Variants in EVC2 observed in about 807,000 individuals in gnomAD.
EVC2 encodes the protein limbin.
A neutral mutation model predicts 149.3 loss-of-function variants in EVC2; 148 were observed. The ratio of observed to expected loss-of-function variants is 0.99; its 90% confidence interval spans 0.87 to 1.14. The LOEUF is 1.14. Ranked by LOEUF, EVC2 falls within the 50% of genes most tolerant of loss-of-function variation. EVC2 has a pLI of 0.00. For synonymous variants in EVC2, 776 were observed against 649.9 expected, an observed-to-expected ratio of 1.19 and a Z score of -2.95; for missense variants, 1,854 against 1,627.3, an observed-to-expected ratio of 1.14 and a Z score of -2.40.
At position 5,633,388 on chromosome 4, in the gene EVC2, T is replaced by A. The variant is rs1182791501; in HGVS notation, c.1471-1356A>T. On this transcript the variant is annotated intron_variant, in intron 10 of 21. Transcript: ENST00000344408. The surrounding 1 kb of genome is among the most constrained non-coding windows in gnomAD (Gnocchi z 4.4). Reference sequence around the variant, plus strand: ...ACTGAGACAATGTCACTAATGTGTGTGGTTGCTTAGGCAGGAATAGAAAAC... The same window carrying A: ...ACTGAGACAATGTCACTAATGTGTGAGGTTGCTTAGGCAGGAATAGAAAAC... 6.6e-6 allele frequency among the ~76,000 whole-genome samples: 1 copy of A among 152,178 alleles called. No homozygotes were observed. Among genetic ancestry groups the A allele is most frequent in the Non-Finnish European group, 1.5e-5 (1 of 68,046 alleles).
intron 16 of EVC2, among the ~76,000 whole-genome samples, chr4:5,596,469 A>T (rs911495846): frequency 6.6e-6 from 1 of 152,224 alleles, no homozygotes; most frequent in Non-Finnish European, 1.5e-5. Context: ...CTGAATGACT[A>T]CTGGGTACAT....
chr4:5,605,346 T>C (rs1577147419), intron 16 of EVC2, among the ~76,000 whole-genome samples: 1 of 152,288 alleles, frequency 6.6e-6, no homozygotes, highest in African/African-American at 2.4e-5. Context: ...CTACAAATCA[T>C]AGACACAGTA....
At chr4:5,532,668 G>A in the EVC2 span, among the ~76,000 whole-genome samples, 1 of 152,164 alleles carries the variant, frequency 6.6e-6, no homozygotes, top group African/African-American at 2.4e-5. Context: ...CTGCCTAAGT[G>A]TGGCCACTGC....
Position 5,622,708 on chromosome 4 carries a change from A to G in EVC2, c.2330T>C (p.Leu777Pro), listed in dbSNP as rs1715791504. The part of the protein sequence containing the change: ...GVPWLFLQQI[L>P]EEHGKEMAAR... Reference sequence around the variant, plus strand: ...AGCCATCTCCTTGCCGTGCTCCTCCAGGATCTGCTGCAGGAAGAGCCAGGG... The same window carrying G: ...AGCCATCTCCTTGCCGTGCTCCTCCGGGATCTGCTGCAGGAAGAGCCAGGG... The change falls in exon 14 of 22, where the codon CTG becomes CCG. Residue 777 changes from leucine (L) to proline (P), a missense_variant. By Grantham distance (98) the Leu-to-Pro change is moderately conservative. Coordinates refer to ENST00000344408, the MANE Select transcript of EVC2 (RefSeq NM_147127.5). The surrounding 1 kb of genome is among the most constrained non-coding windows in gnomAD (Gnocchi z 5.8). 1 of 1,613,984 alleles carries G rather than the reference A, an allele frequency of 6.2e-7. No individual in the cohort carries two copies. The highest frequency in any genetic ancestry group is 8.5e-7 in the Non-Finnish European group (1 of 1,180,004).
At chr4:5,697,746 CTTTTTT>C in intron 1 of EVC2, 99 bp from the exon 2 acceptor site, 2 of 814,014 alleles carry the variant, frequency 2.5e-6, no homozygotes, top group South Asian at 3.3e-5. Context: ...AGGACATGCA[CTTTTTT>C]TTTTTTTTTC....
intron 16 of EVC2, among the ~76,000 whole-genome samples, chr4:5,602,154 G>A (rs554567508): frequency 6.6e-6 from 1 of 151,968 alleles, no homozygotes; most frequent in African/African-American, 2.4e-5. Flanking sequence ...TAGTAGGGTA[G>A]TGCATGCCTG....
chr4:5,604,870 C>T (rs555570534), intron 16 of EVC2, among the ~76,000 whole-genome samples: 2 of 151,854 alleles, frequency 1.3e-5, no homozygotes, highest in Admixed American at 6.6e-5. Context: ...AGGGTGCCTG[C>T]GTTTCCTGCC....
intron 7 of EVC2, among the ~76,000 whole-genome samples, chr4:5,669,946 C>T (rs1245532828): frequency 6.6e-6 from 1 of 152,200 alleles, no homozygotes; most frequent in Admixed American, 6.5e-5. Context: ...TTCCTGCTTT[C>T]TGACACCAAG....
chr4:5,605,740 C>G (rs28550640), intron 16 of EVC2, among the ~76,000 whole-genome samples: 15,261 of 152,184 alleles, frequency 0.1, 1,501 homozygotes, highest in African/African-American at 0.25. Context: ...GACAAACTTG[C>G]CCCAAGCTGA....
rs10937662 is a variant in EVC2, at chr4:5,689,593, A to C, written c.520-250T>G. ...CTGAGATGCTGAAATGCAGTGAAATAATCCTTGCAGAGAATCTTAGAAGAA... is the reference window on the plus strand; with the variant it reads ...CTGAGATGCTGAAATGCAGTGAAATCATCCTTGCAGAGAATCTTAGAAGAA... On this transcript the variant is annotated intron_variant, in intron 4 of 21. Transcript: ENST00000344408. Among the ~76,000 whole-genome samples, 141,804 of 152,250 alleles carry C rather than the reference A, an allele frequency of 0.93. 66,144 individuals carry two copies. The highest frequency in any genetic ancestry group is 0.97 in the African/African-American group (40,273 of 41,562).
chr4:5,541,705 ACT>A (rs1721517124), downstream of EVC2, among the ~76,000 whole-genome samples: 1 of 151,862 alleles, frequency 6.6e-6, no homozygotes, highest in Admixed American at 6.6e-5. Context: ...CAGCTTGGTG[ACT>A]CTGGGCAGGT....
At chr4:5,594,806 A>G (rs1042690377) in intron 16 of EVC2, among the ~76,000 whole-genome samples, 2 of 152,174 alleles carry the variant, frequency 1.3e-5, no homozygotes, top group Admixed American at 6.5e-5. Flanking sequence ...GAAGGCAAAG[A>G]AGTTGAAAAC....
At chr4:5,596,655 A>G (rs898409887) in intron 16 of EVC2, among the ~76,000 whole-genome samples, 4 of 152,244 alleles carry the variant, frequency 2.6e-5, no homozygotes, top group African/African-American at 9.6e-5. Context: ...TCACAATTAA[A>G]AGAACTACAG....
chr4:5,590,363 G>C (rs1479865143), intron 16 of EVC2, among the ~76,000 whole-genome samples: 2 of 152,152 alleles, frequency 1.3e-5, no homozygotes, highest in African/African-American at 2.4e-5. Context: ...CTGACTGAAT[G>C]GGCCTCCTGT....
intron 9 of EVC2, among the ~76,000 whole-genome samples, chr4:5,646,246 T>C (rs1489338481): frequency 3.9e-5 from 6 of 152,198 alleles, no homozygotes; most frequent in Non-Finnish European, 7.4e-5. Context: ...TTTGATTTTT[T>C]AGTAATAGCC....
chr4:5,669,312 G>A (rs1283782283), intron 7 of EVC2, among the ~76,000 whole-genome samples: 1 of 152,184 alleles, frequency 6.6e-6, no homozygotes, highest in African/African-American at 2.4e-5. Flanking sequence ...TCAATCTTCT[G>A]TAATCCTGTG....
chr4:5,693,281 C>T (rs1028300653), intron 3 of EVC2, among the ~76,000 whole-genome samples: 1 of 152,234 alleles, frequency 6.6e-6, no homozygotes, highest in African/African-American at 2.4e-5. Flanking sequence ...TGTTCTGATC[C>T]CCAGAACCTG....
chr4:5,585,281 T>G (rs1712174986), intron 16 of EVC2, among the ~76,000 whole-genome samples: 1 of 152,176 alleles, frequency 6.6e-6, no homozygotes, highest in Non-Finnish European at 1.5e-5. Context: ...GGGAATGCCC[T>G]TCCCAGCTGT....
intron 5 of EVC2, among the ~76,000 whole-genome samples, chr4:5,685,787 G>C (rs1720663876): frequency 6.6e-6 from 1 of 152,186 alleles, no homozygotes; most frequent in East Asian, 1.9e-4. Context: ...CTTTCTCACT[G>C]TGCAGCGCAC....
Sources: allele counts gnomAD v4.1 joint callset (sites outside exome capture counted in the v4.1 genomes callset), GRCh38; gene constraint gnomAD v4.1.1; non-coding constraint Gnocchi (gnomAD v3.1); transcripts MANE v1.5; gene names NCBI Gene and HGNC (gene_info 2026-07-23, HGNC 2026-07-21).